Variants in RSF1 observed in about 807,000 individuals in gnomAD.
The protein encoded by RSF1 is remodeling and spacing factor 1.
A neutral mutation model predicts 145.2 loss-of-function variants in RSF1; 13 were observed. The observed-to-expected ratio is 0.09, with a 90% confidence interval of 0.06 to 0.14. The LOEUF (loss-of-function observed/expected upper bound fraction) is 0.14, where lower values mean the gene tolerates loss of function less well. Ranked by LOEUF, RSF1 falls within the 10% of genes least tolerant of loss-of-function variation. The pLI, the probability that RSF1 is intolerant of heterozygous loss-of-function variation, is 1.00. For missense variants in RSF1, 1,517 were observed against 1,718.2 expected (o/e 0.88, Z 2.07); for synonymous variants, 577 against 592.6 (o/e 0.97, Z 0.38).
intron 11 of RSF1, among the ~76,000 whole-genome samples, chr11:77,681,435 T>C (rs1038752028): frequency 4.6e-5 from 7 of 152,168 alleles, no homozygotes; most frequent in African/African-American, 1.7e-4. Flanking sequence ...ACTTTCCCCT[T>C]TCCTTCCCTC....
intron 1 of RSF1, among the ~76,000 whole-genome samples, chr11:77,791,412 G>A (rs1486890464): frequency 2.6e-5 from 4 of 152,154 alleles, no homozygotes; most frequent in Non-Finnish European, 5.9e-5. Context: ...ACATGCCCTG[G>A]AGACATTTTC....
chr11:77,801,753 A>G (rs542463185), intron 1 of RSF1, among the ~76,000 whole-genome samples: 1 of 152,214 alleles, frequency 6.6e-6, no homozygotes, highest in East Asian at 1.9e-4. Flanking sequence ...CCAAGCCATG[A>G]TTACATGCCT....
In RSF1 at chr11:77,665,198, C is replaced by T. The variant is rs761670247; in HGVS notation, c.*1719G>A. The T allele has an allele frequency of 1.3e-5, 2 of 152,068 alleles. No homozygotes were observed. Among genetic ancestry groups the T allele is most frequent in the Non-Finnish European group, 2.9e-5 (2 of 68,020 alleles). The allele number at this position is 152,068 out of a possible 1,614,324, so 9.4% of individuals were successfully genotyped here. A position where few individuals can be genotyped will look rare whatever the true frequency, so the allele number is the denominator to read the frequency against. Reference sequence around the variant, plus strand: ...AGGTATTTATAATGCAAATCTAATGCCAGCTTTTTAGTAATAAAAAAGAGA... The same window carrying T: ...AGGTATTTATAATGCAAATCTAATGTCAGCTTTTTAGTAATAAAAAAGAGA... On this transcript the variant is annotated 3_prime_UTR_variant, in exon 16 of 16. Coordinates refer to ENST00000308488, the MANE Select transcript of RSF1 (RefSeq NM_016578.4).
intron 1 of RSF1, among the ~76,000 whole-genome samples, chr11:77,793,010 G>A (rs142592603): frequency 8.1e-4 from 123 of 152,162 alleles, no homozygotes; most frequent in Middle Eastern, 6.8e-3. Flanking sequence ...AAGGTACCAC[G>A]ACATTAAAAC....
Position 77,701,381 on chromosome 11 carries a change from C to T in RSF1, c.1848G>A (p.Glu616=). The T allele has an allele frequency of 1.2e-6, 2 of 1,613,946 alleles. No individual in the cohort carries two copies. The highest frequency in any genetic ancestry group is 2.2e-5 in the East Asian group (1 of 44,872). ...IPEEVPKSTL[E]SEKPGSPEAA... Reference sequence around the variant, plus strand: ...CCTCAGGAGAGCCAGGCTTTTCTGACTCTAGAGTACTCTTTGGAACTTCTT... The same window carrying T: ...CCTCAGGAGAGCCAGGCTTTTCTGATTCTAGAGTACTCTTTGGAACTTCTT... Residue 616 remains glutamate (E), a synonymous_variant, in exon 6 of 16, where the codon GAG becomes GAA. Transcript: ENST00000308488.
At chr11:77,860,692 C>G in the RSF1 span, among the ~76,000 whole-genome samples, 1 of 152,120 alleles carries the variant, frequency 6.6e-6, no homozygotes, top group Non-Finnish European at 1.5e-5. Flanking sequence ...TAAAACAGTC[C>G]AGGTGAATTG....
chr11:77,850,709 T>C, the RSF1 span: 1 of 152,082 alleles, frequency 6.6e-6, no homozygotes, highest in Non-Finnish European at 1.5e-5. Context: ...ATCCTTTACC[T>C]AAATCCTCAA....
rs1369412243 is a variant in RSF1, at chr11:77,665,776, GCACACACACAAACACA to G, written c.*1125_*1140del. On this transcript the variant is annotated 3_prime_UTR_variant, in exon 16 of 16. Coordinates refer to ENST00000308488, the MANE Select transcript of RSF1 (RefSeq NM_016578.4). ...TTCCAACACACACACACACGCACAC[GCACACACACAAACACA>G]CACACACGCTAAAACTCAAACTAAA... The G allele has an allele frequency of 6.6e-6, 1 of 151,344 alleles. No individual in the cohort carries two copies. Among genetic ancestry groups the G allele is most frequent in the Admixed American group, 6.6e-5 (1 of 15,182 alleles). 9.4% of individuals were successfully genotyped at this position (151,344 alleles called of 1,614,324 possible). A position where few individuals can be genotyped will look rare whatever the true frequency, so the allele number is the denominator to read the frequency against.
Position 77,667,327 on chromosome 11 carries a change from C to T in RSF1, c.3916G>A (p.Asp1306Asn). 1 of 1,614,018 alleles carries T rather than the reference C, an allele frequency of 6.2e-7. No homozygotes were observed. Among genetic ancestry groups the T allele is most frequent in the Non-Finnish European group, 8.5e-7 (1 of 1,179,936 alleles). ...GCATTGTCACAACTCTCCTCCTCAT[C>T]CGTCTCAATCCGGTGTAGCCGTTTG... Reference protein sequence around the residue: ...SRKRLHRIETDEEESCDNAHG... With the variant: ...SRKRLHRIETNEEESCDNAHG... The change falls in exon 16 of 16, where the codon GAT becomes AAT. Residue 1306 changes from aspartate (D) to asparagine (N), a missense_variant. By Grantham distance (23) the Asp-to-Asn change is conservative. This residue lies in a region of RSF1 where 240 missense variants were observed against 231.8 expected (regional missense o/e 1.04). Transcript: ENST00000308488.
chr11:77,754,315 T>C (rs1948094208), intron 2 of RSF1, among the ~76,000 whole-genome samples: 1 of 152,078 alleles, frequency 6.6e-6, no homozygotes. Flanking sequence ...AAAGTTGACA[T>C]TTGAGACTGG....
At chr11:77,825,283 C>CT (rs763921320), upstream of RSF1, among the ~76,000 whole-genome samples, 753 of 150,142 alleles carry the variant, frequency 5.0e-3, 5 homozygotes, top group African/African-American at 0.017. Flanking sequence ...GGCCTGGCTG[C>CT]TTTTTTTTTA....
Position 77,725,676 on chromosome 11 carries a change from G to C in RSF1, c.602C>G (p.Thr201Ser). ...IVRNRNELAE[T>S]LALLKAQIDP... is the part of the protein sequence containing the mutation. ...AATTTGTGCTTTCAGGAGTGCAAGAGTCTCAGCCAACTCGTTTCGATTTCT... is the reference window on the plus strand; with the variant it reads ...AATTTGTGCTTTCAGGAGTGCAAGACTCTCAGCCAACTCGTTTCGATTTCT... The change falls in exon 5 of 16, where the codon ACT becomes AGT. Residue 201 changes from threonine to serine, a missense_variant. By Grantham distance (58) the Thr-to-Ser change is moderately conservative. Transcript: ENST00000308488. The C allele has an allele frequency of 6.3e-7, 1 of 1,584,142 alleles. No homozygotes were observed. The highest frequency in any genetic ancestry group is 8.6e-7 in the Non-Finnish European group (1 of 1,165,580).
intron 5 of RSF1, among the ~76,000 whole-genome samples, chr11:77,719,161 G>A (rs567310327): frequency 6.6e-6 from 1 of 152,232 alleles, no homozygotes; most frequent in East Asian, 1.9e-4. Context: ...TTGAGCCCAG[G>A]AAATGGAGGT....
chr11:77,860,314 C>A, the RSF1 span, among the ~76,000 whole-genome samples: 4 of 152,198 alleles, frequency 2.6e-5, no homozygotes, highest in South Asian at 6.2e-4. Context: ...ACCTGGGAAT[C>A]CATATTTGGC....
At chr11:77,861,813 C>T in the RSF1 span, among the ~76,000 whole-genome samples, 5 of 152,218 alleles carry the variant, frequency 3.3e-5, no homozygotes, top group Non-Finnish European at 5.9e-5. Flanking sequence ...CCATTTGTCC[C>T]GTTCTGCCTG....
At chr11:77,857,230 G>A in the RSF1 span, among the ~76,000 whole-genome samples, 1 of 152,174 alleles carries the variant, frequency 6.6e-6, no homozygotes, top group Admixed American at 6.5e-5. Flanking sequence ...GGTAATGAGA[G>A]GAAGGAATAC....
At chr11:77,821,461 G>T (rs779331580), upstream of RSF1, among the ~76,000 whole-genome samples, 5 of 152,098 alleles carry the variant, frequency 3.3e-5, no homozygotes, top group East Asian at 9.6e-4. Flanking sequence ...CTCTGCTGGG[G>T]TACAGGAATC....
At chr11:77,849,282 C>T in the RSF1 span, among the ~76,000 whole-genome samples, 6 of 151,934 alleles carry the variant, frequency 3.9e-5, no homozygotes, top group South Asian at 4.2e-4. Flanking sequence ...AATGCGGTGG[C>T]GTGACCTTGG....
At chr11:77,733,001 T>C (rs931402375) in intron 4 of RSF1, among the ~76,000 whole-genome samples, 8 of 152,236 alleles carry the variant, frequency 5.3e-5, no homozygotes, top group African/African-American at 1.9e-4. Flanking sequence ...TAATTCATTG[T>C]ATGAGTAATG....
Sources: gnomAD v4.1 joint callset for allele counts (sites outside exome capture counted in the v4.1 genomes callset) on GRCh38, gnomAD v4.1.1 for gene constraint, gnomAD v4.1.1 regional missense constraint, MANE v1.5 for transcripts, NCBI Gene and HGNC (gene_info 2026-07-23, HGNC 2026-07-21) for gene names.